The following FAT3 variants were observed in gnomAD, a reference collection of about 807,000 sequenced individuals.
The protein encoded by FAT3 is protocadherin Fat 3.
In FAT3, 95 loss-of-function variants were observed where a neutral mutation model predicts 310.2. The ratio of observed to expected loss-of-function variants is 0.31; its 90% confidence interval spans 0.26 to 0.36. The LOEUF (loss-of-function observed/expected upper bound fraction) is 0.36. FAT3 is among the 10% of genes least tolerant of loss of function. The pLI is 1.00. For missense variants in FAT3, 5,408 were observed against 5,715.6 expected (o/e 0.95, Z 1.74); for synonymous variants, 2,314 against 2,192.9 (o/e 1.06, Z -1.54).
chr11:92,798,355 C>G lies in FAT3; in HGVS notation c.5342C>G (p.Ala1781Gly). 6 of 1,613,566 alleles carry G rather than the reference C, an allele frequency of 3.7e-6. No homozygotes were observed. Among genetic ancestry groups the G allele is most frequent in the Non-Finnish European group, 5.1e-6 (6 of 1,179,734 alleles). ...FSQYSGSLSEAAPINSIVRSL... is the reference protein window; with the variant it reads ...FSQYSGSLSEGAPINSIVRSL... ...CAATACTCAGGCAGCCTAAGTGAGG[C>G]TGCCCCAATTAATAGCATTGTCAGG... The change falls in exon 10 of 28, where the codon GCT (alanine) becomes GGT (glycine). Residue 1781 changes from alanine to glycine, a missense_variant. Transcript: ENST00000525166.
rs1948645032 is a variant in FAT3, at chr11:92,844,747, G to C, written c.11365+15G>C. The C allele has an allele frequency of 2.1e-5, 31 of 1,493,264 alleles. No individual in the cohort carries two copies. The highest frequency in any genetic ancestry group is 2.8e-5 in the Non-Finnish European group (31 of 1,112,736). The allele number at this position is 1,493,264 out of a possible 1,614,324, so 92.5% of individuals were successfully genotyped here. On this transcript the variant is annotated intron_variant, in intron 19 of 27. Transcript: ENST00000525166. ...CACCTGCAATGGTGAGTGCAGTTTT[G>C]AGTGTTCCCTCTCAACTCCTGAGAT...
intron 2 of FAT3, among the ~76,000 whole-genome samples, chr11:92,425,097 T>C (rs1271584084): frequency 6.6e-6 from 1 of 152,216 alleles, no homozygotes; most frequent in Non-Finnish European, 1.5e-5. Flanking sequence ...TGTTTTGAGT[T>C]ATTTCTTTTT....
chr11:92,787,509 T>A (rs11828323), intron 7 of FAT3, among the ~76,000 whole-genome samples: 1 of 151,930 alleles, frequency 6.6e-6, no homozygotes, highest in South Asian at 2.1e-4. Context: ...ACTTTAAACA[T>A]GCTGGTTTGA....
At chr11:92,671,488 C>T (rs942057003) in intron 3 of FAT3, among the ~76,000 whole-genome samples, 3 of 151,946 alleles carry the variant, frequency 2.0e-5, no homozygotes, top group Non-Finnish European at 4.4e-5. Context: ...CATTTGCCCC[C>T]GTCCTCAGCT....
chr11:92,844,305 G>C lies in FAT3; in HGVS notation c.10938G>C (p.Gln3646His). The change falls in exon 19 of 28, where the codon CAG (glutamine) becomes CAC (histidine). Residue 3646 changes from glutamine (Q) to histidine (H), a missense_variant. By Grantham distance (24) the Gln-to-His change is conservative. Coordinates refer to ENST00000525166, the MANE Select transcript of FAT3 (RefSeq NM_001367949.2). ...AGCAGTTGGTGCATGAGATGCTGCA[G>C]AACACTGTCACCATCCGCTTTGAAA... is the stretch of plus-strand genomic sequence containing the variant. The part of the protein sequence containing the change: ...HVEQLVHEML[Q>H]NTVTIRFENV... The C allele has an allele frequency of 6.2e-7, 1 of 1,613,970 alleles. No homozygotes were observed. The highest frequency in any genetic ancestry group is 8.5e-7 in the Non-Finnish European group (1 of 1,179,910).
intron 2 of FAT3, among the ~76,000 whole-genome samples, chr11:92,411,617 T>A (rs898887534): frequency 6.6e-6 from 1 of 152,106 alleles, no homozygotes. Flanking sequence ...CCAGGGATTC[T>A]CAGAGGAGGT....
chr11:92,833,861 T>G (rs1250694379), intron 14 of FAT3, among the ~76,000 whole-genome samples: 1 of 152,238 alleles, frequency 6.6e-6, no homozygotes, highest in Non-Finnish European at 1.5e-5. Flanking sequence ...AAGACTGGGA[T>G]GCAAAATAAG....
intron 13 of FAT3, among the ~76,000 whole-genome samples, chr11:92,821,406 A>T (rs1947964989): frequency 6.6e-6 from 1 of 152,152 alleles, no homozygotes; most frequent in Non-Finnish European, 1.5e-5. Context: ...ACTGCCTTAG[A>T]TATTGTTATT....
chr11:92,363,368 A>G (rs1353327404), intron 2 of FAT3, among the ~76,000 whole-genome samples: 1 of 152,210 alleles, frequency 6.6e-6, no homozygotes, highest in African/African-American at 2.4e-5. Flanking sequence ...GCTTCAGCCC[A>G]GATATTTAAA....
Position 92,355,005 on chromosome 11 carries a change from C to A in FAT3, c.2893C>A (p.Leu965Ile), listed in dbSNP as rs750702781. The A allele has an allele frequency of 6.2e-7, 1 of 1,613,846 alleles. No homozygotes were observed. The highest frequency in any genetic ancestry group is 8.5e-7 in the Non-Finnish European group (1 of 1,179,872). ...TTGGCTTGAGACCCATGATCCAGAT[C>A]TTGGACTGGGGGGTCAAGTGCGCTA... Reference protein sequence around the residue: ...IAWLETHDPDLGLGGQVRYSL... With the variant: ...IAWLETHDPDIGLGGQVRYSL... Residue 965 changes from leucine to isoleucine, a missense_variant, in exon 2 of 28, where the codon CTT (leucine) becomes ATT (isoleucine). By Grantham distance (5) the Leu-to-Ile change is conservative (BLOSUM62 2). Around this residue, in one of 5 missense-constraint regions of FAT3, gnomAD observed 4,588 missense variants for 4,809.8 expected, o/e 0.95. Transcript: ENST00000525166.
chr11:92,529,002 G>T (rs1265512338), intron 3 of FAT3, among the ~76,000 whole-genome samples: 1 of 152,208 alleles, frequency 6.6e-6, no homozygotes, highest in African/African-American at 2.4e-5. Flanking sequence ...CTTAGCAATT[G>T]CTAGGTAGCA....
Position 92,801,530 on chromosome 11 carries a change from T to C in FAT3, c.8517T>C (p.Ile2839=), listed in dbSNP as rs1056490640. The C allele has an allele frequency of 8.1e-6, 13 of 1,609,026 alleles. No individual in the cohort carries two copies. The highest frequency in any genetic ancestry group is 1.1e-5 in the Non-Finnish European group (13 of 1,177,566). The change falls in exon 10 of 28, where the codon ATT becomes ATC. Residue 2839 remains isoleucine (I), a synonymous_variant. Coordinates refer to ENST00000525166, the MANE Select transcript of FAT3 (RefSeq NM_001367949.2). The part of the protein sequence containing the change: ...VGTKLTQVRA[I]DMDWGANGQV... ...CCAAACTCACACAAGTGAGAGCTAT[T>C]GATATGGACTGGGGAGCCAATGGAC...
chr11:92,546,741 G>A (rs10830924), intron 3 of FAT3, among the ~76,000 whole-genome samples: 54,113 of 151,916 alleles, frequency 0.36, 10,387 homozygotes, highest in Non-Finnish European at 0.44. Flanking sequence ...GGTGGGGAAC[G>A]GGGGCTACCA....
chr11:92,411,229 A>G (rs1055263137), intron 2 of FAT3, among the ~76,000 whole-genome samples: 1 of 149,222 alleles, frequency 6.7e-6, no homozygotes, highest in African/African-American at 2.5e-5. Flanking sequence ...GACTGACCTT[A>G]CTTTTCTAGG....
intron 3 of FAT3, among the ~76,000 whole-genome samples, chr11:92,588,228 T>C (rs914389886): frequency 2.6e-5 from 4 of 151,864 alleles, no homozygotes; most frequent in African/African-American, 7.3e-5. Context: ...AGACCAACAG[T>C]GTTCCTAATG....
At chr11:92,504,699 G>T (rs1398675239) in intron 2 of FAT3, among the ~76,000 whole-genome samples, 7 of 151,960 alleles carry the variant, frequency 4.6e-5, no homozygotes, top group Non-Finnish European at 1.0e-4. Context: ...ATTTTCTCTG[G>T]CAGGACGTTC....
At chr11:92,338,001 AAC>A (rs1948138392) in intron 1 of FAT3, among the ~76,000 whole-genome samples, 3 of 152,196 alleles carry the variant, frequency 2.0e-5, no homozygotes, top group South Asian at 2.1e-4. Flanking sequence ...AGGCATGTTA[AAC>A]ACAACAATAG....
rs1481258961 is a variant in FAT3, at chr11:92,836,653, G to C, written c.10174G>C (p.Asp3392His). Reference protein sequence around the residue: ...NGDRDNEFTVDPVLGLVKVKK... With the variant: ...NGDRDNEFTVHPVLGLVKVKK... ...AGATCGGGACAATGAATTTACTGTAGATCCTGTCTTGGGACTTGTGAAAGT... is the reference window on the plus strand; with the variant it reads ...AGATCGGGACAATGAATTTACTGTACATCCTGTCTTGGGACTTGTGAAAGT... The change falls in exon 16 of 28, where the codon GAT becomes CAT. Residue 3392 changes from aspartate to histidine, a missense_variant. Asp to His is a moderately conservative substitution (Grantham distance 81). Transcript: ENST00000525166. 1 of 1,613,726 alleles carries C rather than the reference G, an allele frequency of 6.2e-7. No individual in the cohort carries two copies. The highest frequency in any genetic ancestry group is 1.7e-5 in the Admixed American group (1 of 59,998).
intron 1 of FAT3, among the ~76,000 whole-genome samples, chr11:92,305,122 T>C (rs1179851304): frequency 6.6e-6 from 1 of 152,132 alleles, no homozygotes; most frequent in African/African-American, 2.4e-5. Context: ...CTCCCCTTTG[T>C]TGCAGTAGAT....
Sources: gnomAD v4.1 joint callset for allele counts (sites outside exome capture counted in the v4.1 genomes callset) on GRCh38, gnomAD v4.1.1 for gene constraint, gnomAD v4.1.1 regional missense constraint, MANE v1.5 for transcripts, NCBI Gene and HGNC (gene_info 2026-07-23, HGNC 2026-07-21) for gene names.